NPAS3: variants seen among roughly 807,000 people sequenced by gnomAD.
The protein encoded by NPAS3 is neuronal PAS domain-containing protein 3.
NPAS3 carries 14 observed loss-of-function variants against 73.1 expected under a neutral mutation model. The observed-to-expected ratio is 0.19, with a 90% CI of 0.13 to 0.30. The LOEUF (loss-of-function observed/expected upper bound fraction) is 0.30. Ranked by LOEUF, NPAS3 falls within the 10% of genes least tolerant of loss-of-function variation. The pLI, the probability that NPAS3 is intolerant of heterozygous loss-of-function variation, is 1.00. For missense variants in NPAS3, 1,096 were observed against 1,250.0 expected, an observed-to-expected ratio of 0.88 and a Z score of 1.86; for synonymous variants, 620 against 541.5, an observed-to-expected ratio of 1.14 and a Z score of -2.01.
At chr14:33,117,692 T>C (rs1168332779) in intron 2 of NPAS3, among the ~76,000 whole-genome samples, 1 of 152,158 alleles carries the variant, frequency 6.6e-6, no homozygotes, top group African/African-American at 2.4e-5. Flanking sequence ...ACTGGAATTG[T>C]AACCTTATTT....
intron 3 of NPAS3, among the ~76,000 whole-genome samples, chr14:33,359,185 CA>C (rs1352402153): frequency 1.3e-5 from 2 of 152,134 alleles, no homozygotes; most frequent in Non-Finnish European, 2.9e-5. Flanking sequence ...AGGGAAAAGG[CA>C]AGAGACTTTG....
intron 7 of NPAS3, among the ~76,000 whole-genome samples, chr14:33,742,746 C>T (rs2061687230): frequency 6.6e-6 from 1 of 152,164 alleles, no homozygotes; most frequent in Non-Finnish European, 1.5e-5. Flanking sequence ...AATATTTTTC[C>T]TACAGTAGAA....
intron 3 of NPAS3, among the ~76,000 whole-genome samples, chr14:33,315,520 G>A (rs969146850): frequency 6.6e-6 from 1 of 151,518 alleles, no homozygotes; most frequent in African/African-American, 2.4e-5. Context: ...GGGGGAGTGT[G>A]TTTGTGTGTG....
At chr14:33,640,383 A>G (rs2058645031) in intron 5 of NPAS3, among the ~76,000 whole-genome samples, 1 of 152,326 alleles carries the variant, frequency 6.6e-6, no homozygotes, top group South Asian at 2.1e-4. Flanking sequence ...AAGTCTATGC[A>G]GTGATCATCT....
At chr14:33,484,896 A>C (rs962744826) in intron 4 of NPAS3, among the ~76,000 whole-genome samples, 24 of 152,146 alleles carry the variant, frequency 1.6e-4, no homozygotes, top group African/African-American at 5.8e-4. Flanking sequence ...GACCCTTCAC[A>C]GATTTCATTT....
intron 5 of NPAS3, among the ~76,000 whole-genome samples, chr14:33,585,543 C>A (rs1057264832): frequency 1.3e-5 from 2 of 152,156 alleles, no homozygotes; most frequent in Non-Finnish European, 2.9e-5. Flanking sequence ...ATTGAAATAA[C>A]CTTATCATCT....
intron 2 of NPAS3, among the ~76,000 whole-genome samples, chr14:33,134,370 ATC>A (rs2043756402): frequency 6.6e-6 from 1 of 152,152 alleles, no homozygotes; most frequent in Non-Finnish European, 1.5e-5. Context: ...CAACGGCGCT[ATC>A]ATTTCAGAGT....
chr14:33,058,920 G>C (rs1398996711), intron 2 of NPAS3, among the ~76,000 whole-genome samples: 1 of 152,150 alleles, frequency 6.6e-6, no homozygotes, highest in Non-Finnish European at 1.5e-5. Context: ...GAAAGAAATG[G>C]TCAGTCTTAT....
intron 7 of NPAS3, among the ~76,000 whole-genome samples, chr14:33,773,906 G>A (rs899687706): frequency 6.6e-6 from 1 of 152,184 alleles, no homozygotes; most frequent in African/African-American, 2.4e-5. Context: ...GAACGAAGGA[G>A]GGCTCAGAAA....
At chr14:33,110,464 A>G (rs2042854773) in intron 2 of NPAS3, among the ~76,000 whole-genome samples, 4 of 152,194 alleles carry the variant, frequency 2.6e-5, no homozygotes, top group Non-Finnish European at 4.4e-5. Context: ...CTGAATTTTC[A>G]CAGTAGTAGT....
intron 1 of NPAS3, among the ~76,000 whole-genome samples, chr14:32,992,308 A>C (rs768625121): frequency 6.6e-6 from 1 of 152,148 alleles, no homozygotes; most frequent in Non-Finnish European, 1.5e-5. Flanking sequence ...TTAGGTAGTA[A>C]ATTTTGATGG....
At chr14:33,314,584 T>C (rs2043134324) in intron 3 of NPAS3, among the ~76,000 whole-genome samples, 1 of 152,030 alleles carries the variant, frequency 6.6e-6, no homozygotes, top group Non-Finnish European at 1.5e-5. Flanking sequence ...TGGGAAAAAA[T>C]ACTCTAATTG....
At chr14:33,620,725 C>T (rs2058054346) in intron 5 of NPAS3, among the ~76,000 whole-genome samples, 1 of 152,124 alleles carries the variant, frequency 6.6e-6, no homozygotes. Flanking sequence ...CTTAGGTTTA[C>T]TTGGCATATA....
intron 2 of NPAS3, among the ~76,000 whole-genome samples, chr14:33,075,722 T>C (rs1192183759): frequency 6.6e-6 from 1 of 152,220 alleles, no homozygotes; most frequent in Non-Finnish European, 1.5e-5. Flanking sequence ...CTTTAAAATA[T>C]TTGTTTAGGG....
At chr14:33,774,431 A>G (rs1244383674) in exon 8 of NPAS3, 1 of 1,614,164 alleles carries the variant, frequency 6.2e-7, no homozygotes, top group South Asian at 1.1e-5. Context: ...GTTGTTGCGC[A>G]TGCCTTGCCT....
chr14:32,934,836 A>G, upstream of NPAS3: 1 of 455,398 alleles, frequency 2.2e-6, no homozygotes, highest in Non-Finnish European at 2.9e-6. This position sits in a 1 kb window ranked among gnomAD's most constrained non-coding sequence, Gnocchi z 4.1. Context: ...CGGGGGCCGA[A>G]GCCGCGGCGA....
chr14:33,517,227 G>A (rs913298095), intron 4 of NPAS3, among the ~76,000 whole-genome samples: 4 of 151,914 alleles, frequency 2.6e-5, no homozygotes, highest in Non-Finnish European at 2.9e-5. Flanking sequence ...TTGGATTTCC[G>A]GTGGGTTCTT....
chr14:33,313,269 A>G (rs975024255), intron 3 of NPAS3, among the ~76,000 whole-genome samples: 11 of 152,220 alleles, frequency 7.2e-5, no homozygotes, highest in African/African-American at 2.6e-4. Context: ...TCCAGAAACA[A>G]TCTATCATTT....
intron 5 of NPAS3, among the ~76,000 whole-genome samples, chr14:33,604,603 C>T (rs183124791): frequency 6.6e-6 from 1 of 152,156 alleles, no homozygotes; most frequent in East Asian, 1.9e-4. Flanking sequence ...ACCAGCTTGA[C>T]ATTTATTAAA....
Sources: allele counts gnomAD v4.1 joint callset (sites outside exome capture counted in the v4.1 genomes callset), GRCh38; gene constraint gnomAD v4.1.1; non-coding constraint Gnocchi (gnomAD v3.1); transcripts MANE v1.5; gene names NCBI Gene and HGNC (gene_info 2026-07-23, HGNC 2026-07-21).